Variants in MACROD2 observed in about 807,000 individuals in gnomAD.
The protein encoded by MACROD2 is mono-ADP ribosylhydrolase 2, also known as ADP-ribose glycohydrolase MACROD2.
In MACROD2, 36 loss-of-function variants were observed where a neutral mutation model predicts 70.4. The ratio of observed to expected loss-of-function variants is 0.51; its 90% CI spans 0.39 to 0.68. The LOEUF is 0.68. Among genes scored for constraint, MACROD2 ranks in the 30% least tolerant of loss-of-function variants. MACROD2 has a pLI of 0.00. For synonymous variants in MACROD2, 172 were observed against 178.8 expected (o/e 0.96, Z 0.30); for missense variants, 496 against 538.4 (o/e 0.92, Z 0.78).
At chr20:14,860,315 AG>A (rs2073300529) in intron 5 of MACROD2, among the ~76,000 whole-genome samples, 1 of 152,116 alleles carries the variant, frequency 6.6e-6, no homozygotes, top group Non-Finnish European at 1.5e-5. Flanking sequence ...CAAAAATTTA[AG>A]GAAAAGAATT....
At chr20:14,739,912 G>A (rs1314859589) in intron 5 of MACROD2, among the ~76,000 whole-genome samples, 1 of 151,976 alleles carries the variant, frequency 6.6e-6, no homozygotes, top group Admixed American at 6.6e-5. Flanking sequence ...GGCATGGATA[G>A]GGAAGCAAAT....
chr20:15,435,992 T>C (rs1010699134), intron 7 of MACROD2, among the ~76,000 whole-genome samples: 8 of 152,098 alleles, frequency 5.3e-5, no homozygotes, highest in Admixed American at 5.2e-4. Context: ...TTTGGTAAAT[T>C]TACAAGTGAG....
At chr20:14,105,663 C>G (rs1276744292) in intron 3 of MACROD2, among the ~76,000 whole-genome samples, 3 of 152,170 alleles carry the variant, frequency 2.0e-5, no homozygotes, top group Non-Finnish European at 4.4e-5. Context: ...TAGAGAGACA[C>G]CAAATGGGGC....
chr20:15,001,752 A>G (rs1262629140), intron 5 of MACROD2, among the ~76,000 whole-genome samples: 2 of 151,170 alleles, frequency 1.3e-5, no homozygotes, highest in Non-Finnish European at 2.9e-5. Context: ...AACTGGTGCT[A>G]TTTGGTTACA....
intron 5 of MACROD2, among the ~76,000 whole-genome samples, chr20:15,215,032 T>G (rs1394197649): frequency 6.6e-6 from 1 of 152,146 alleles, no homozygotes; most frequent in Non-Finnish European, 1.5e-5. Context: ...TGCATAATAA[T>G]TAGGTATCTA....
At chr20:15,961,529 A>C (rs1046857682) in intron 12 of MACROD2, among the ~76,000 whole-genome samples, 3 of 152,232 alleles carry the variant, frequency 2.0e-5, no homozygotes, top group Non-Finnish European at 4.4e-5. Context: ...ATGAATCTGG[A>C]GAGAAATTCT....
rs904595986 is a variant in MACROD2, at chr20:14,464,255, A to G, written c.272-29224A>G. ...CAGAGATTCAACTTCTTCCTGGTTT[A>G]GTCTTGGGAGGGTGTATGTGTCGAG... is the stretch of plus-strand genomic sequence containing the variant. On this transcript the variant is annotated intron_variant, in intron 3 of 17. Coordinates refer to ENST00000684519, the MANE Select transcript of MACROD2 (RefSeq NM_001351661.2). Among the ~76,000 whole-genome samples the G allele has an allele frequency of 1.9e-3, 293 of 152,088 alleles. 1 individual carries two copies. The highest frequency in any genetic ancestry group is 6.8e-3 in the African/African-American group (282 of 41,448).
intron 3 of MACROD2, among the ~76,000 whole-genome samples, chr20:14,462,735 T>A (rs2084387300): frequency 6.6e-6 from 1 of 152,122 alleles, no homozygotes; most frequent in South Asian, 2.1e-4. Context: ...AGGGATCCAG[T>A]TTCAGCTTTC....
intron 3 of MACROD2, among the ~76,000 whole-genome samples, chr20:14,267,914 A>G (rs1418131701): frequency 6.6e-6 from 1 of 152,112 alleles, no homozygotes; most frequent in Non-Finnish European, 1.5e-5. Flanking sequence ...GCTTAAAGCC[A>G]GAAAAAAGAA....
At chr20:14,271,596 T>C (rs1284592884) in intron 3 of MACROD2, among the ~76,000 whole-genome samples, 1 of 152,146 alleles carries the variant, frequency 6.6e-6, no homozygotes, top group African/African-American at 2.4e-5. Context: ...CCTTTCCTCC[T>C]CCAAAGGAAT....
chr20:14,317,661 C>T (rs1250840192), intron 3 of MACROD2, among the ~76,000 whole-genome samples: 1 of 151,344 alleles, frequency 6.6e-6, no homozygotes, highest in East Asian at 1.9e-4. Context: ...CTCCCCCAAC[C>T]ATAATCTTCA....
chr20:14,288,460 T>A (rs1485619201), intron 3 of MACROD2, among the ~76,000 whole-genome samples: 2 of 152,192 alleles, frequency 1.3e-5, no homozygotes, highest in Non-Finnish European at 2.9e-5. Flanking sequence ...TGGCTGTCCC[T>A]TGTAGGACAC....
intron 4 of MACROD2, among the ~76,000 whole-genome samples, chr20:14,587,170 T>C (rs554852767): frequency 3.9e-5 from 6 of 152,040 alleles, no homozygotes; most frequent in African/African-American, 1.4e-4. Context: ...TGATTACTGG[T>C]GTCTATTGAT....
chr20:14,321,363 T>G (rs569459277), intron 3 of MACROD2, among the ~76,000 whole-genome samples: 1 of 29,216 alleles, frequency 3.4e-5, no homozygotes, highest in South Asian at 1.1e-3. Context: ...ATACTCCATC[T>G]CAAAAAAAAA....
chr20:15,052,874 T>C (rs1468956027), intron 5 of MACROD2, among the ~76,000 whole-genome samples: 1 of 152,236 alleles, frequency 6.6e-6, no homozygotes, highest in Non-Finnish European at 1.5e-5. Flanking sequence ...GGAAAAGTTC[T>C]TGAAGGAAAT....
intron 5 of MACROD2, among the ~76,000 whole-genome samples, chr20:14,771,333 A>G (rs977812445): frequency 4.6e-5 from 7 of 151,998 alleles, no homozygotes; most frequent in African/African-American, 1.5e-4. Flanking sequence ...TCTATGGAGA[A>G]CCATAACACA....
intron 8 of MACROD2, among the ~76,000 whole-genome samples, chr20:15,790,033 C>G (rs1265828270): frequency 6.6e-6 from 1 of 151,586 alleles, no homozygotes; most frequent in South Asian, 2.1e-4. Context: ...AACCAATTTA[C>G]TAATTACTTA....
chr20:14,963,688 C>G lies in MACROD2; in HGVS notation c.419-266252C>G, dbSNP rs1052476951. ...AGCTCAGGATGGAAATATGAACACA[C>G]GATCCTCTTCCTGCTGAACTAGAAA... On this transcript the variant is annotated intron_variant, in intron 5 of 17. Coordinates refer to ENST00000684519, the MANE Select transcript of MACROD2 (RefSeq NM_001351661.2). Among the ~76,000 whole-genome samples the G allele has an allele frequency of 1.2e-4, 18 of 152,186 alleles. No individual in the cohort carries two copies. In the South Asian group the frequency reaches 3.5e-3, roughly 30 times the overall value.
chr20:14,054,549 C>T (rs2053611368), intron 2 of MACROD2, among the ~76,000 whole-genome samples: 1 of 152,044 alleles, frequency 6.6e-6, no homozygotes, highest in Admixed American at 6.6e-5. Flanking sequence ...GAGTTTTAAA[C>T]TCCCCAAGTT....
Sources: gnomAD v4.1 joint callset for allele counts (sites outside exome capture counted in the v4.1 genomes callset) on GRCh38, gnomAD v4.1.1 for gene constraint, MANE v1.5 for transcripts, NCBI Gene and HGNC (gene_info 2026-07-23, HGNC 2026-07-21) for gene names.